MCC: variants seen among roughly 807,000 people sequenced by gnomAD.
MCC encodes colorectal mutant cancer protein.
A neutral mutation model predicts 116.2 loss-of-function variants in MCC; 90 were observed. The ratio of observed to expected loss-of-function variants is 0.77; its 90% CI spans 0.65 to 0.92. The LOEUF (loss-of-function observed/expected upper bound fraction) is 0.92, where lower values mean the gene tolerates loss of function less well. Ranked by LOEUF, MCC falls within the 40% of genes least tolerant of loss-of-function variation. MCC has a pLI of 0.00. For synonymous variants in MCC, 578 were observed against 510.5 expected (o/e 1.13, Z -1.78); for missense variants, 1,516 against 1,312.2 (o/e 1.16, Z -2.40).
At chr5:113,371,941 A>G (rs1052026030) in intron 2 of MCC, among the ~76,000 whole-genome samples, 2 of 152,262 alleles carry the variant, frequency 1.3e-5, no homozygotes, top group Non-Finnish European at 2.9e-5. Context: ...ATCTCAGCCA[A>G]GTAATCATTT....
At chr5:113,062,026 G>C (rs886212384) in intron 14 of MCC, among the ~76,000 whole-genome samples, 2 of 152,210 alleles carry the variant, frequency 1.3e-5, no homozygotes, top group Non-Finnish European at 2.9e-5. Flanking sequence ...AGAATGTGGA[G>C]TGACAAATGA....
chr5:113,333,245 T>G (rs959937879), intron 3 of MCC, among the ~76,000 whole-genome samples: 4 of 151,702 alleles, frequency 2.6e-5, no homozygotes, highest in African/African-American at 9.8e-5. Context: ...GGATGTGCAG[T>G]ATTCTCCAAA....
intron 3 of MCC, among the ~76,000 whole-genome samples, chr5:113,277,916 C>T (rs1765888936): frequency 6.6e-6 from 1 of 152,184 alleles, no homozygotes; most frequent in Non-Finnish European, 1.5e-5. Context: ...CTGCACATTT[C>T]CACTTAGATG....
chr5:113,411,397 C>A (rs551497005), intron 1 of MCC, among the ~76,000 whole-genome samples: 4 of 152,150 alleles, frequency 2.6e-5, no homozygotes, highest in African/African-American at 9.7e-5. Context: ...TGGCTGCATA[C>A]ATGTCTTCTT....
chr5:113,421,739 T>A (rs987447694), intron 1 of MCC, among the ~76,000 whole-genome samples: 1 of 152,208 alleles, frequency 6.6e-6, no homozygotes, highest in Middle Eastern at 3.2e-3. Flanking sequence ...ACGGAGCTAA[T>A]GTATATCCTT....
At chr5:113,266,055 C>T (rs1765405452) in intron 3 of MCC, among the ~76,000 whole-genome samples, 1 of 152,168 alleles carries the variant, frequency 6.6e-6, no homozygotes, top group African/African-American at 2.4e-5. Flanking sequence ...CAGTATGGGG[C>T]AGTCTCAGGC....
intron 3 of MCC, among the ~76,000 whole-genome samples, chr5:113,290,699 G>C (rs530341287): frequency 6.6e-6 from 1 of 152,164 alleles, no homozygotes; most frequent in African/African-American, 2.4e-5. Context: ...TCACGACCAC[G>C]AAGAATATGC....
chr5:113,066,608 C>T (rs1177765841), intron 13 of MCC, among the ~76,000 whole-genome samples: 1 of 152,190 alleles, frequency 6.6e-6, no homozygotes, highest in Non-Finnish European at 1.5e-5. Flanking sequence ...CCTTCCTTCA[C>T]TTTTGCTTCA....
chr5:113,099,286 G>T (rs562343548), intron 8 of MCC, among the ~76,000 whole-genome samples: 2 of 152,112 alleles, frequency 1.3e-5, no homozygotes, highest in South Asian at 4.2e-4. Context: ...CTTATAAAAG[G>T]TAACAGATGT....
intron 3 of MCC, among the ~76,000 whole-genome samples, chr5:113,259,051 AG>A (rs773284420): frequency 6.1e-5 from 9 of 148,722 alleles, no homozygotes; most frequent in African/African-American, 1.0e-4. Context: ...AAATGTTAAA[AG>A]GTGTTTTATT....
rs1291375427 is a variant in MCC, at chr5:113,071,120, T to A, written c.1899A>T (p.Thr633=). 6.2e-7 allele frequency: 1 copy of A among 1,613,570 alleles called. No homozygotes were observed. The highest frequency in any genetic ancestry group is 8.5e-7 in the Non-Finnish European group (1 of 1,179,896). ...MLVGKYESNA[T]ALRLALQYSE... is the part of the protein sequence containing the mutation. Reference sequence around the variant, plus strand: ...TGTACTGCAAGGCCAGCCTCAGCGCTGTGGCATTGGATTCGTATTTTCCCA... The same window carrying A: ...TGTACTGCAAGGCCAGCCTCAGCGCAGTGGCATTGGATTCGTATTTTCCCA... Residue 633 remains threonine (T), a synonymous_variant, in exon 12 of 19, where the codon ACA becomes ACT. Transcript: ENST00000408903.
chr5:113,350,674 A>T (rs1018884689), intron 2 of MCC, among the ~76,000 whole-genome samples: 1 of 152,130 alleles, frequency 6.6e-6, no homozygotes, highest in Non-Finnish European at 1.5e-5. Flanking sequence ...CAAAAGCAAA[A>T]CTGGACAAAT....
At chr5:113,156,551 C>T (rs187256883) in intron 3 of MCC, among the ~76,000 whole-genome samples, 173 of 152,334 alleles carry the variant, frequency 1.1e-3, no homozygotes, top group African/African-American at 4.0e-3. Context: ...AAGCCAATAG[C>T]TGCGTTGCCA....
chr5:113,408,480 C>G (rs528273633), intron 1 of MCC, among the ~76,000 whole-genome samples: 1 of 152,308 alleles, frequency 6.6e-6, no homozygotes, highest in East Asian at 1.9e-4. Flanking sequence ...TCAGCCCAAT[C>G]TTTACCTGAC....
chr5:113,029,105 G>A (rs757734296), intron 17 of MCC, 49 bp from the exon 18 acceptor site: 2 of 1,553,202 alleles, frequency 1.3e-6, no homozygotes, highest in Non-Finnish European at 1.7e-6. Context: ...AGATGATGCT[G>A]GAGGTGCCCA....
intron 3 of MCC, 21 bp from the exon 4 acceptor site, chr5:113,151,443 A>T: frequency 7.7e-7 from 1 of 1,294,236 alleles, no homozygotes. Context: ...AGAAAGGAGG[A>T]GATTAGAGTA....
At position 113,025,296 on chromosome 5, in the gene MCC, A is replaced by G. The variant is rs1403403178; in HGVS notation, c.*2006T>C. 1 of 151,554 alleles carries G rather than the reference A, an allele frequency of 6.6e-6. No homozygotes were observed. The highest frequency in any genetic ancestry group is 1.5e-5 in the Non-Finnish European group (1 of 67,944). 9.4% of individuals were successfully genotyped at this position (151,554 alleles called of 1,614,324 possible). ...TCAGCCAAAACATTTTCCTCATGAT[A>G]AAATGCAACTTTATATGAAAAGTGA... On this transcript the variant is annotated 3_prime_UTR_variant, in exon 19 of 19. Transcript: ENST00000408903.
chr5:113,279,682 CAGA>C (rs1765961132), intron 3 of MCC, among the ~76,000 whole-genome samples: 1 of 152,134 alleles, frequency 6.6e-6, no homozygotes, highest in Non-Finnish European at 1.5e-5. Flanking sequence ...TTGATAAGTC[CAGA>C]TGCATTACGT....
chr5:113,415,028 C>T (rs2150404499), intron 1 of MCC, among the ~76,000 whole-genome samples: 2 of 152,278 alleles, frequency 1.3e-5, no homozygotes, highest in Admixed American at 1.3e-4. Context: ...ACTTATGAAG[C>T]TTAGTTTGGC....
Sources: gnomAD v4.1 joint callset for allele counts (sites outside exome capture counted in the v4.1 genomes callset) on GRCh38, gnomAD v4.1.1 for gene constraint, MANE v1.5 for transcripts, NCBI Gene and HGNC (gene_info 2026-07-23, HGNC 2026-07-21) for gene names.